PTCD3: variants seen among roughly 807,000 people sequenced by gnomAD.
PTCD3 encodes the protein pentatricopeptide repeat domain 3, also known as small ribosomal subunit protein mS39.
In PTCD3, 89 loss-of-function variants were observed where a neutral mutation model predicts 101.9. The observed-to-expected ratio is 0.87, with a 90% confidence interval of 0.74 to 1.04. PTCD3 has a LOEUF of 1.04. PTCD3 is among the 50% of genes least tolerant of loss of function. The pLI is 0.00. For synonymous variants in PTCD3, 296 were observed against 278.5 expected, an observed-to-expected ratio of 1.06 and a Z score of -0.63; for missense variants, 870 against 828.2, an observed-to-expected ratio of 1.05 and a Z score of -0.62.
chr2:86,133,368 C>G lies in PTCD3; in HGVS notation c.1475C>G (p.Thr492Arg). The change falls in exon 19 of 24, where the codon ACA becomes AGA. Residue 492 changes from threonine (T) to arginine (R), a missense_variant. Physicochemically the swap from Thr to Arg is moderately conservative, Grantham distance 71. Coordinates refer to ENST00000254630, the MANE Select transcript of PTCD3 (RefSeq NM_017952.6). ...CAGGCCTACTTTCCCCACTCCCAAA[C>G]AATGATACATCTTCTCCAAGCATTG... ...IPSAYFPHSQ[T>R]MIHLLQALDV... 1 of 1,614,136 alleles carries G rather than the reference C, an allele frequency of 6.2e-7. No individual in the cohort carries two copies. Among genetic ancestry groups the G allele is most frequent in the Non-Finnish European group, 8.5e-7 (1 of 1,179,986 alleles).
At chr2:86,134,751 T>C (rs1558800648) in intron 20 of PTCD3, 88 bp from the exon 21 acceptor site, 7 of 1,442,254 alleles carry the variant, frequency 4.9e-6, no homozygotes, top group South Asian at 2.4e-5. Flanking sequence ...AATGCATTGC[T>C]CAGATTTTAA....
chr2:86,117,762 T>G (rs930438789), intron 6 of PTCD3, among the ~76,000 whole-genome samples: 2 of 152,036 alleles, frequency 1.3e-5, no homozygotes, highest in Non-Finnish European at 2.9e-5. Context: ...CTGCTTGCTC[T>G]TGATCCGCTT....
chr2:86,121,162 G>A (rs113741476), intron 7 of PTCD3, among the ~76,000 whole-genome samples: 2 of 152,324 alleles, frequency 1.3e-5, no homozygotes, highest in African/African-American at 4.8e-5. Flanking sequence ...AGTTTGCAGT[G>A]TGTTCAGTTT....
chr2:86,136,788 A>G (rs1241509131), intron 22 of PTCD3, 194 bp from the exon 23 acceptor site: 1 of 806,736 alleles, frequency 1.2e-6, no homozygotes, highest in African/African-American at 1.7e-5. Context: ...GTCATACTGA[A>G]TGAATGTTGA....
intron 8 of PTCD3, among the ~76,000 whole-genome samples, chr2:86,123,174 A>C (rs1022634501): frequency 2.0e-5 from 3 of 151,996 alleles, no homozygotes; most frequent in Non-Finnish European, 4.4e-5. Context: ...AGGCAGGAGA[A>C]TTCCTTGAAC....
chr2:86,132,628 T>TGG (rs1303682406), intron 17 of PTCD3: 1 of 407,448 alleles, frequency 2.5e-6, no homozygotes, highest in African/African-American at 2.1e-5. Context: ...AAGGGTTTTT[T>TGG]TTTTTTTTTT....
intron 4 of PTCD3, among the ~76,000 whole-genome samples, chr2:86,114,100 A>G (rs1674136986): frequency 6.6e-6 from 1 of 152,116 alleles, no homozygotes; most frequent in Non-Finnish European, 1.5e-5. Flanking sequence ...TCTGGCCCTT[A>G]AAATCCAAGA....
At chr2:86,132,190 T>A (rs749962395) in intron 16 of PTCD3, 128 bp from the exon 17 acceptor site, 1 of 571,102 alleles carries the variant, frequency 1.8e-6, no homozygotes. Flanking sequence ...TCTTATAACT[T>A]ACTTGCTGTC....
chr2:86,133,533 C>G (rs1674529617), intron 19 of PTCD3, 97 bp downstream of exon 19: 5 of 1,190,110 alleles, frequency 4.2e-6, no homozygotes. Flanking sequence ...ATGAAAACTT[C>G]CATTTTGACT....
intron 4 of PTCD3, among the ~76,000 whole-genome samples, chr2:86,114,731 C>T (rs1259702604): frequency 1.3e-5 from 2 of 152,178 alleles, no homozygotes; most frequent in Non-Finnish European, 2.9e-5. Context: ...TTGTTTATCC[C>T]TTCAAAAGAT....
rs56955251 is a variant in PTCD3 at position 86,111,175 on chromosome 2, G to GTT, written c.240+25_240+26dup. On this transcript the variant is annotated intron_variant, in intron 4 of 23. Transcript: ENST00000254630. Reference sequence around the variant, plus strand: ...GTAAACAGGGTAAGTAGGATTTTGTGTTTTTTTTTAACCTAAAACTTGGCT... The same window carrying GTT: ...GTAAACAGGGTAAGTAGGATTTTGTGTTTTTTTTTTTAACCTAAAACTTGGCT... The GTT allele has an allele frequency of 2.3e-5, 37 of 1,594,486 alleles. No homozygotes were observed. The highest frequency in any genetic ancestry group is 4.5e-5 in the East Asian group (2 of 44,474).
chr2:86,137,665 C>A lies in PTCD3; in HGVS notation c.*106C>A. 2 of 1,511,268 alleles carry A rather than the reference C, an allele frequency of 1.3e-6. No homozygotes were observed. Among genetic ancestry groups the A allele is most frequent in the Non-Finnish European group, 1.8e-6 (2 of 1,121,624 alleles). The allele number at this position is 1,511,268 out of a possible 1,614,324, so 93.6% of individuals were successfully genotyped here. A position where few individuals can be genotyped will look rare whatever the true frequency, so the allele number is the denominator to read the frequency against. On this transcript the variant is annotated 3_prime_UTR_variant, in exon 24 of 24. Coordinates refer to ENST00000254630, the MANE Select transcript of PTCD3 (RefSeq NM_017952.6). ...ACATTGTTACAAAGAAGAAAAGATA[C>A]AGATTTGGTGAATTTGTTACTGTGA...
intron 22 of PTCD3, 80 bp downstream of exon 22, chr2:86,136,642 C>A (rs1418629458): frequency 1.3e-6 from 2 of 1,484,282 alleles, no homozygotes; most frequent in East Asian, 4.5e-5. Context: ...GCCTTAGCCA[C>A]CACATTTGGG....
At position 86,134,498 on chromosome 2, in the gene PTCD3, G is replaced by A. The variant is rs982677633; in HGVS notation, c.1629+121G>A. On this transcript the variant is annotated intron_variant, in intron 20 of 23. Coordinates refer to ENST00000254630, the MANE Select transcript of PTCD3 (RefSeq NM_017952.6). ...CTACCCAAACCCATATTTGAGTGAT[G>A]ATACATCTAAACATATCTTGCCCTT... The A allele has an allele frequency of 3.8e-6, 3 of 782,810 alleles. No homozygotes were observed. The African/African-American group carries it at 5.2e-5, about 14-fold the overall frequency. 48.5% of individuals were successfully genotyped at this position (782,810 alleles called of 1,614,324 possible). A position where few individuals can be genotyped will look rare whatever the true frequency, so the allele number is the denominator to read the frequency against.
At chr2:86,107,254 T>C in intron 1 of PTCD3, 1 of 470,848 alleles carries the variant, frequency 2.1e-6, no homozygotes, top group South Asian at 1.5e-5. Context: ...GCAGAATCTC[T>C]TCCTCAGCAT....
chr2:86,123,209 C>T (rs965142744), intron 8 of PTCD3, among the ~76,000 whole-genome samples: 7 of 151,268 alleles, frequency 4.6e-5, no homozygotes, highest in Non-Finnish European at 8.8e-5. Flanking sequence ...TTGCAGTGAG[C>T]CAAGACCACG....
At chr2:86,108,456 T>C (rs1176986680) in intron 2 of PTCD3, 44 bp from the exon 3 acceptor site, 5 of 1,592,216 alleles carry the variant, frequency 3.1e-6, no homozygotes, top group Non-Finnish European at 4.3e-6. Context: ...TTGGATTCCA[T>C]TGTAGTACTA....
Position 86,127,243 on chromosome 2 carries a change from T to G in PTCD3, c.1034T>G (p.Phe345Cys), listed in dbSNP as rs1162511392. 3 of 1,613,970 alleles carry G rather than the reference T, an allele frequency of 1.9e-6. No individual in the cohort carries two copies. ...ACCATTCTGAAATGTCTCCGAAGATTTCATGTGTTTGCAAGATCGCCAGCC... is the reference window on the plus strand; with the variant it reads ...ACCATTCTGAAATGTCTCCGAAGATGTCATGTGTTTGCAAGATCGCCAGCC... ...FNTILKCLRR[F>C]HVFARSPALQ... Residue 345 changes from phenylalanine (F) to cysteine (C), a missense_variant, in exon 13 of 24, where the codon TTT becomes TGT. Coordinates refer to ENST00000254630, the MANE Select transcript of PTCD3 (RefSeq NM_017952.6).
intron 10 of PTCD3, 144 bp from the exon 11 acceptor site, chr2:86,125,311 A>G (rs1674363930): frequency 9.3e-7 from 1 of 1,073,916 alleles, no homozygotes; most frequent in African/African-American, 1.6e-5. Flanking sequence ...TGGATAGAAA[A>G]TCCCACTGCA....
Sources: gnomAD v4.1 joint callset for allele counts (sites outside exome capture counted in the v4.1 genomes callset) on GRCh38, gnomAD v4.1.1 for gene constraint, MANE v1.5 for transcripts, NCBI Gene and HGNC (gene_info 2026-07-23, HGNC 2026-07-21) for gene names.